The following STOML3 variants were observed in gnomAD, a reference collection of about 807,000 sequenced individuals.
STOML3 encodes the protein stomatin like 3.
A neutral mutation model predicts 29.5 loss-of-function variants in STOML3; 31 were observed. That is an observed-to-expected ratio of 1.05 (90% CI 0.79 to 1.42). STOML3 has a LOEUF of 1.42. Among genes scored for constraint, STOML3 ranks in the 40% most tolerant of loss-of-function variants. STOML3 has a pLI of 0.00. For missense variants in STOML3, 380 were observed against 363.0 expected (o/e 1.05, Z -0.38); for synonymous variants, 122 against 139.8 (o/e 0.87, Z 0.90).
At chr13:38,969,898 G>T (rs568453695) in intron 5 of STOML3, among the ~76,000 whole-genome samples, 1 of 152,218 alleles carries the variant, frequency 6.6e-6, no homozygotes, top group African/African-American at 2.4e-5. Flanking sequence ...CTTCAAAAAA[G>T]ACTATACTTG....
chr13:38,982,748 T>C (rs372504915), intron 1 of STOML3, among the ~76,000 whole-genome samples: 11 of 152,286 alleles, frequency 7.2e-5, no homozygotes, highest in African/African-American at 2.6e-4. Context: ...ATCTCCCTCA[T>C]ATTTTTGCCC....
intron 1 of STOML3, among the ~76,000 whole-genome samples, chr13:38,982,161 A>C (rs1053431542): frequency 1.3e-5 from 2 of 152,088 alleles, no homozygotes; most frequent in Non-Finnish European, 2.9e-5. Context: ...ACCTTAAAGC[A>C]AATCTCAGCT....
chr13:38,979,998 G>A, intron 1 of STOML3: 1 of 1,520,322 alleles, frequency 6.6e-7, no homozygotes, highest in Non-Finnish European at 8.9e-7. Context: ...AGTAGACACA[G>A]CCTTAACACC....
chr13:38,970,150 TA>T, intron 5 of STOML3, 34 bp downstream of exon 5: 1 of 1,571,238 alleles, frequency 6.4e-7, no homozygotes, highest in Non-Finnish European at 8.7e-7. Context: ...ATTAACAAGT[TA>T]AAGATACAGG....
chr13:38,975,628 T>C (rs2138013708), intron 3 of STOML3, among the ~76,000 whole-genome samples: 1 of 152,310 alleles, frequency 6.6e-6, no homozygotes, highest in Admixed American at 6.5e-5. Context: ...TAGCCCCTCA[T>C]TTCCAGAGTA....
intron 1 of STOML3, among the ~76,000 whole-genome samples, chr13:38,987,319 T>C (rs999298433): frequency 4.6e-5 from 7 of 151,920 alleles, no homozygotes; most frequent in South Asian, 4.2e-4. Flanking sequence ...GCCCAAAAGT[T>C]CGAGACCAGC....
At position 38,972,514 on chromosome 13, in the gene STOML3, C is replaced by G; in HGVS notation, c.310G>C (p.Glu104Gln). The G allele has an allele frequency of 1.2e-6, 2 of 1,613,742 alleles. No individual in the cohort carries two copies. Among genetic ancestry groups the G allele is most frequent in the Non-Finnish European group, 1.7e-6 (2 of 1,179,704 alleles). ...RTVTCNIPPQ[E>Q]ILTRDSVTTQ... ...GACATATCCTTAATCAGTACTACCT[C>G]TTGTGGAGGAATGTTGCAAGTAACT... Residue 104 changes from glutamate to glutamine, a missense_variant and splice_region_variant, in exon 4 of 7, where the codon GAG becomes CAG. Coordinates refer to ENST00000379631, the MANE Select transcript of STOML3 (RefSeq NM_145286.3).
intron 1 of STOML3, among the ~76,000 whole-genome samples, chr13:38,978,250 T>C (rs774420387): frequency 1.3e-5 from 2 of 152,028 alleles, no homozygotes; most frequent in Admixed American, 6.6e-5. Context: ...ATCTCCCAGG[T>C]TCAAGTAATT....
chr13:38,984,751 A>G (rs1868442103), intron 1 of STOML3, among the ~76,000 whole-genome samples: 1 of 152,178 alleles, frequency 6.6e-6, no homozygotes, highest in Admixed American at 6.6e-5. Context: ...CTCATTGTTA[A>G]GCAGTACATG....
rs537363934 is a variant in STOML3, at chr13:38,986,524, T to G, written c.52+4146A>C. Reference sequence around the variant, plus strand: ...GTTAACCATTCTATCTCCCTTTCTATGTTCACTTCCAATCCTGTGAAGATA... The same window carrying G: ...GTTAACCATTCTATCTCCCTTTCTAGGTTCACTTCCAATCCTGTGAAGATA... On this transcript the variant is annotated intron_variant, in intron 1 of 6. Transcript: ENST00000379631. Among the ~76,000 whole-genome samples the G allele has an allele frequency of 5.3e-5, 8 of 152,250 alleles. No homozygotes were observed. The South Asian group carries it at 1.7e-3, about 32-fold the overall frequency.
At chr13:38,980,254 C>T in intron 1 of STOML3, 1 of 917,094 alleles carries the variant, frequency 1.1e-6, no homozygotes, top group Non-Finnish European at 1.6e-6. Flanking sequence ...TCATTAGCTG[C>T]CAGTTAAAGT....
Position 38,988,056 on chromosome 13 carries a change from ATATAT to A in STOML3, c.52+2609_52+2613del, listed in dbSNP as rs1467640411. Among the ~76,000 whole-genome samples the A allele has an allele frequency of 3.7e-5, 4 of 107,526 alleles. No individual in the cohort carries two copies. In the South Asian group the frequency reaches 1.2e-3, roughly 32 times the overall value. 70.5% of individuals were successfully genotyped at this position (107,526 alleles called of 152,430 possible). On this transcript the variant is annotated intron_variant, in intron 1 of 6. Coordinates refer to ENST00000379631, the MANE Select transcript of STOML3 (RefSeq NM_145286.3). ...TTTTATATCATATATTTTATATATA[ATATAT>A]TATATTTTATATCATATATTTTATA...
chr13:38,972,597 A>G lies in STOML3; in HGVS notation c.230-3T>C. The G allele has an allele frequency of 6.2e-7, 1 of 1,613,638 alleles. No individual in the cohort carries two copies. The highest frequency in any genetic ancestry group is 8.5e-7 in the Non-Finnish European group (1 of 1,179,770). Reference sequence around the variant, plus strand: ...GCATGGCAGGACCAGGATCAAACCTATGAGAGAAAAAATCAGTTTAAAATG... The same window carrying G: ...GCATGGCAGGACCAGGATCAAACCTGTGAGAGAAAAAATCAGTTTAAAATG... On this transcript the variant is annotated splice_polypyrimidine_tract_variant and splice_region_variant and intron_variant, in intron 3 of 6. Coordinates refer to ENST00000379631, the MANE Select transcript of STOML3 (RefSeq NM_145286.3).
At chr13:38,980,373 C>T (rs1160710481) in intron 1 of STOML3, among the ~76,000 whole-genome samples, 2 of 152,168 alleles carry the variant, frequency 1.3e-5, no homozygotes, top group African/African-American at 4.8e-5. Flanking sequence ...GGCAGCCTTT[C>T]TCTCTCCCCA....
Position 38,976,719 on chromosome 13 carries a change from G to A in STOML3, c.131C>T (p.Pro44Leu). Residue 44 changes from proline to leucine, a missense_variant, in exon 2 of 7, where the codon CCC becomes CTC. By Grantham distance (98) the Pro-to-Leu change is moderately conservative. Coordinates refer to ENST00000379631, the MANE Select transcript of STOML3 (RefSeq NM_145286.3). ...CTTCAAGCACATCCATATGGAGATG[G>A]GGAAGGTAATGATCACCAACAGGAA... ...LSFLLVIITF[P>L]ISIWMCLKII... 6.2e-7 allele frequency: 1 copy of A among 1,613,970 alleles called. No homozygotes were observed. The highest frequency in any genetic ancestry group is 8.5e-7 in the Non-Finnish European group (1 of 1,179,950).
rs188099650 is a variant in STOML3, at chr13:38,988,306, T to A, written c.52+2364A>T. 4.0e-4 allele frequency among the ~76,000 whole-genome samples: 34 copies of A among 85,342 alleles called. 2 individuals are homozygous for A. The highest frequency in any genetic ancestry group is 1.8e-3 in the African/African-American group (31 of 16,788). The allele number at this position is 85,342 out of a possible 152,430, so 56.0% of individuals were successfully genotyped here. On this transcript the variant is annotated intron_variant, in intron 1 of 6. Transcript: ENST00000379631. ...TATATTATATTTTATATCATATATT[T>A]TATATATAATATATTATATTTTATA...
In STOML3 at chr13:38,966,773, C is replaced by T. The variant is rs903801239; in HGVS notation, c.*52G>A. The T allele has an allele frequency of 6.8e-7, 1 of 1,479,070 alleles. No individual in the cohort carries two copies. The highest frequency in any genetic ancestry group is 9.4e-7 in the Non-Finnish European group (1 of 1,064,024). The allele number at this position is 1,479,070 out of a possible 1,614,324, so 91.6% of individuals were successfully genotyped here. A position where few individuals can be genotyped will look rare whatever the true frequency, so the allele number is the denominator to read the frequency against. ...CACCGTTTCTAACTACTGGCTTCTC[C>T]ATAGGAATAGACACCACTCTCTATG... On this transcript the variant is annotated 3_prime_UTR_variant, in exon 7 of 7. Transcript: ENST00000379631.
At chr13:38,976,499 T>A (rs1273006748) in intron 3 of STOML3, 41 bp downstream of exon 3, 1 of 1,607,404 alleles carries the variant, frequency 6.2e-7, no homozygotes, top group Non-Finnish European at 8.5e-7. Flanking sequence ...TAGTATTAGG[T>A]GTCCCTGATC....
At chr13:38,980,104 A>G in intron 1 of STOML3, 3 of 1,551,710 alleles carry the variant, frequency 1.9e-6, no homozygotes, top group South Asian at 1.2e-5. Flanking sequence ...ACACGTGCAC[A>G]TGAGGCTCAG....
Sources: allele counts gnomAD v4.1 joint callset (sites outside exome capture counted in the v4.1 genomes callset), GRCh38; gene constraint gnomAD v4.1.1; transcripts MANE v1.5; gene names NCBI Gene and HGNC (gene_info 2026-07-23, HGNC 2026-07-21).